Variants in ATP8A2 observed in about 807,000 individuals in gnomAD.
ATP8A2 encodes the protein phospholipid-transporting ATPase IB.
Under a neutral mutation model 165.6 loss-of-function variants are expected in ATP8A2, and 100 were observed. That is an observed-to-expected ratio of 0.60 (90% CI 0.51 to 0.71). ATP8A2 has a LOEUF of 0.71. Ranked by LOEUF, ATP8A2 falls within the 30% of genes least tolerant of loss-of-function variation. The pLI is 0.00. For missense variants in ATP8A2, 1,227 were observed against 1,479.5 expected, an observed-to-expected ratio of 0.83 and a Z score of 2.80; for synonymous variants, 543 against 548.8, an observed-to-expected ratio of 0.99 and a Z score of 0.15.
In ATP8A2 at chr13:25,448,992, T is replaced by G. The variant is rs2035141877; in HGVS notation, c.77-19985T>G. Among the ~76,000 whole-genome samples, 6 of 152,248 alleles carry G rather than the reference T, an allele frequency of 3.9e-5. No individual in the cohort carries two copies. In the South Asian group the frequency reaches 1.2e-3, roughly 32 times the overall value. On this transcript the variant is annotated intron_variant, in intron 1 of 36. Transcript: ENST00000381655. ...TAAAGTTCTTAAAGTTCTTAGTAAT[T>G]TCTGACTTTTTGCTATTATAAACAA...
At chr13:25,487,296 G>A (rs925841671) in intron 2 of ATP8A2, among the ~76,000 whole-genome samples, 2 of 152,090 alleles carry the variant, frequency 1.3e-5, no homozygotes, top group Non-Finnish European at 2.9e-5. Context: ...TTGGCGAATC[G>A]ATGATATATA....
chr13:25,968,355 A>C (rs1955830142), intron 34 of ATP8A2, among the ~76,000 whole-genome samples: 1 of 151,944 alleles, frequency 6.6e-6, no homozygotes, highest in Non-Finnish European at 1.5e-5. Flanking sequence ...GTGACTCTTG[A>C]CATGCATGAT....
intron 2 of ATP8A2, among the ~76,000 whole-genome samples, chr13:25,504,557 G>A (rs2036965943): frequency 6.8e-6 from 1 of 147,494 alleles, no homozygotes; most frequent in East Asian, 2.0e-4. Flanking sequence ...TGGCTAACAA[G>A]GTGAAACCCC....
chr13:25,460,160 C>A (rs2137477056), intron 1 of ATP8A2, among the ~76,000 whole-genome samples: 1 of 152,266 alleles, frequency 6.6e-6, no homozygotes. Flanking sequence ...GAGATTGCGC[C>A]ATTGCACTCC....
At chr13:25,645,771 A>G (rs1253166111) in intron 24 of ATP8A2, among the ~76,000 whole-genome samples, 1 of 152,192 alleles carries the variant, frequency 6.6e-6, no homozygotes, top group Non-Finnish European at 1.5e-5. Flanking sequence ...CATTGTAGTC[A>G]GAAAAGGTGC....
chr13:25,787,224 C>G (rs1271601034), intron 27 of ATP8A2, among the ~76,000 whole-genome samples: 1 of 152,234 alleles, frequency 6.6e-6, no homozygotes, highest in Non-Finnish European at 1.5e-5. Flanking sequence ...CCCTGTCCCC[C>G]TCAGGGGACT....
chr13:25,489,459 G>A (rs755270979), intron 2 of ATP8A2, among the ~76,000 whole-genome samples: 4 of 152,130 alleles, frequency 2.6e-5, no homozygotes, highest in Non-Finnish European at 5.9e-5. Context: ...GTGCCGCAGC[G>A]TTTCTCAGAC....
Position 25,591,462 on chromosome 13 carries a change from C to A in ATP8A2, c.2211+1763C>A. The A allele has an allele frequency of 4.5e-5, 19 of 417,830 alleles. 1 individual carries two copies. Among genetic ancestry groups the A allele is most frequent in the South Asian group, 3.2e-4 (18 of 57,086 alleles). The allele number at this position is 417,830 out of a possible 1,614,324, so 25.9% of individuals were successfully genotyped here. A position where few individuals can be genotyped will look rare whatever the true frequency, so the allele number is the denominator to read the frequency against. On this transcript the variant is annotated intron_variant, in intron 24 of 36. Coordinates refer to ENST00000381655, the MANE Select transcript of ATP8A2 (RefSeq NM_016529.6). ...GTAACATAATGTCTTCAAGGTTCAT[C>A]CATATCGGACCATGTGTCAGAATTT...
At chr13:25,535,504 A>G (rs1221672455) in intron 6 of ATP8A2, among the ~76,000 whole-genome samples, 1 of 152,160 alleles carries the variant, frequency 6.6e-6, no homozygotes, top group Non-Finnish European at 1.5e-5. Flanking sequence ...CACACAAGGA[A>G]CAATCATGTA....
intron 27 of ATP8A2, among the ~76,000 whole-genome samples, chr13:25,783,041 C>T (rs2044924275): frequency 7.5e-6 from 1 of 133,726 alleles, no homozygotes; most frequent in Admixed American, 8.0e-5. Context: ...TCTTCTGGCC[C>T]AGTTTTTAAA....
intron 1 of ATP8A2, among the ~76,000 whole-genome samples, chr13:25,441,482 C>A (rs1037923088): frequency 6.6e-6 from 1 of 152,136 alleles, no homozygotes; most frequent in Admixed American, 6.6e-5. Context: ...GAAGTCAGTG[C>A]GGCGTGGACT....
intron 24 of ATP8A2, among the ~76,000 whole-genome samples, chr13:25,605,710 T>TC (rs2040498502): frequency 6.6e-6 from 1 of 152,220 alleles, no homozygotes; most frequent in South Asian, 2.1e-4. Context: ...TCAACTAATA[T>TC]GTAGCTGCAG....
At chr13:25,678,351 G>T (rs1346878427) in intron 24 of ATP8A2, among the ~76,000 whole-genome samples, 2 of 152,184 alleles carry the variant, frequency 1.3e-5, no homozygotes, top group Non-Finnish European at 2.9e-5. Flanking sequence ...CTTAGTGACA[G>T]GCTGGCAGCA....
intron 1 of ATP8A2, among the ~76,000 whole-genome samples, chr13:25,401,902 G>T (rs1314548183): frequency 1.3e-5 from 2 of 152,092 alleles, no homozygotes; most frequent in African/African-American, 4.8e-5. Flanking sequence ...TGTCGCCCAG[G>T]CTGGAGTGCA....
chr13:25,565,232 T>C (rs985322215), intron 16 of ATP8A2, among the ~76,000 whole-genome samples: 1 of 152,208 alleles, frequency 6.6e-6, no homozygotes, highest in Admixed American at 6.5e-5. Context: ...TTTTTTCCTC[T>C]GGGTAGATAC....
In ATP8A2 at chr13:25,723,216, G is replaced by T. The variant is rs184811668; in HGVS notation, c.2384+23871G>T. 1.5e-3 allele frequency among the ~76,000 whole-genome samples: 233 copies of T among 152,284 alleles called. 2 individuals carry two copies. The highest frequency in any genetic ancestry group is 5.4e-3 in the African/African-American group (223 of 41,556). On this transcript the variant is annotated intron_variant, in intron 25 of 36. Coordinates refer to ENST00000381655, the MANE Select transcript of ATP8A2 (RefSeq NM_016529.6). ...AGAATTGCTTAGTAGTGGGGAGTGG[G>T]CATTTTTAACTTCACTAAATAATGC... is the stretch of plus-strand genomic sequence containing the variant.
At chr13:25,552,355 T>A (rs1393405090) in intron 11 of ATP8A2, among the ~76,000 whole-genome samples, 3 of 152,198 alleles carry the variant, frequency 2.0e-5, no homozygotes, top group African/African-American at 7.2e-5. Flanking sequence ...TCCTTTGGAT[T>A]TAACAGCTGG....
chr13:25,406,670 G>A (rs187038552), intron 1 of ATP8A2, among the ~76,000 whole-genome samples: 1 of 152,214 alleles, frequency 6.6e-6, no homozygotes, highest in Non-Finnish European at 1.5e-5. Context: ...CTGGCATGGA[G>A]ACCATGTTTG....
chr13:25,525,214 A>AT (rs971931122), intron 2 of ATP8A2, among the ~76,000 whole-genome samples: 5 of 151,890 alleles, frequency 3.3e-5, no homozygotes, highest in African/African-American at 9.7e-5. Context: ...CTACATATTG[A>AT]TTTTTTTGTT....
Sources: gnomAD v4.1 joint callset for allele counts (sites outside exome capture counted in the v4.1 genomes callset) on GRCh38, gnomAD v4.1.1 for gene constraint, MANE v1.5 for transcripts, NCBI Gene and HGNC (gene_info 2026-07-23, HGNC 2026-07-21) for gene names.